ROBO1: variants seen among roughly 807,000 people sequenced by gnomAD.
ROBO1 encodes roundabout homolog 1.
In ROBO1, 149 loss-of-function variants were observed where a neutral mutation model predicts 195.9. The ratio of observed to expected loss-of-function variants is 0.76; its 90% CI spans 0.67 to 0.87. The LOEUF is 0.87. ROBO1 is among the 40% of genes least tolerant of loss of function. The pLI is 0.00. For missense variants in ROBO1, 1,933 were observed against 2,068.3 expected, an observed-to-expected ratio of 0.93 and a Z score of 1.27; for synonymous variants, 816 against 733.2, an observed-to-expected ratio of 1.11 and a Z score of -1.82.
intron 1 of ROBO1, among the ~76,000 whole-genome samples, chr3:79,599,727 C>T (rs1012135896): frequency 1.3e-4 from 20 of 151,958 alleles, no homozygotes; most frequent in East Asian, 1.2e-3. Context: ...GACAGAAAAA[C>T]GGGGATATTA....
intron 2 of ROBO1, among the ~76,000 whole-genome samples, chr3:79,505,994 A>T (rs962053427): frequency 9.2e-5 from 14 of 152,208 alleles, no homozygotes; most frequent in Admixed American, 4.6e-4. Context: ...AACTGAAGTA[A>T]ACCAAAATAC....
chr3:79,422,986 TA>T (rs2038293040), intron 2 of ROBO1, among the ~76,000 whole-genome samples: 1 of 107,346 alleles, frequency 9.3e-6, no homozygotes, highest in South Asian at 2.9e-4. Context: ...TCCACTACTG[TA>T]TAGAAAAAAC....
chr3:79,332,574 G>T (rs9820895), intron 2 of ROBO1, among the ~76,000 whole-genome samples: 8,122 of 152,156 alleles, frequency 0.053, 729 homozygotes, highest in African/African-American at 0.18. Context: ...CTGGCATCTA[G>T]AATCATGGCG....
chr3:79,177,755 A>T (rs2081281317), intron 2 of ROBO1, among the ~76,000 whole-genome samples: 1 of 152,206 alleles, frequency 6.6e-6, no homozygotes. Context: ...TTTTCTAGAA[A>T]GGATTACTGG....
chr3:79,648,558 G>T (rs1288522942), intron 1 of ROBO1, among the ~76,000 whole-genome samples: 1 of 151,886 alleles, frequency 6.6e-6, no homozygotes, highest in East Asian at 1.9e-4. Flanking sequence ...TTCAATAGAC[G>T]TACTTAAAAT....
At chr3:78,937,121 A>T (rs1030156271) in intron 4 of ROBO1, among the ~76,000 whole-genome samples, 7 of 152,084 alleles carry the variant, frequency 4.6e-5, no homozygotes, top group Non-Finnish European at 8.8e-5. Flanking sequence ...TCATATCAGA[A>T]ATTTTTGGCA....
chr3:79,609,261 G>C (rs1448271811), intron 1 of ROBO1, among the ~76,000 whole-genome samples: 3 of 150,778 alleles, frequency 2.0e-5, no homozygotes, highest in African/African-American at 7.3e-5. Flanking sequence ...TGTCTTGCTA[G>C]CAACTTCTAA....
chr3:79,100,018 G>C (rs189371145), intron 3 of ROBO1, among the ~76,000 whole-genome samples: 4 of 151,852 alleles, frequency 2.6e-5, no homozygotes, highest in Non-Finnish European at 4.4e-5. Context: ...GGTTAGCGGG[G>C]AAAGAAATAC....
Position 78,685,745 on chromosome 3 carries a change from C to T in ROBO1, c.1342+1G>A, listed in dbSNP as rs2081036277. 1 of 1,594,906 alleles carries T rather than the reference C, an allele frequency of 6.3e-7. No homozygotes were observed. The highest frequency in any genetic ancestry group is 8.6e-7 in the Non-Finnish European group (1 of 1,166,730). On this transcript the variant is annotated splice_donor_variant, in intron 10 of 30. Transcript: ENST00000464233. LOFTEE classifies it high-confidence loss of function. ...TTGAAATAAAATGTTTTACACTTTA[C>T]CATCTGTAACTTCCAAATATGCCTT... is the stretch of plus-strand genomic sequence containing the variant.
At chr3:79,680,246 A>G (rs1461423535) in intron 1 of ROBO1, among the ~76,000 whole-genome samples, 1 of 151,956 alleles carries the variant, frequency 6.6e-6, no homozygotes, top group African/African-American at 2.4e-5. Flanking sequence ...AAGTTTATAA[A>G]TTCACCCAAC....
chr3:79,020,590 G>T (rs2078079445), intron 3 of ROBO1, among the ~76,000 whole-genome samples: 2 of 152,272 alleles, frequency 1.3e-5, no homozygotes, highest in Admixed American at 6.5e-5. Context: ...TGCTCGGGAG[G>T]CTAAGACAGA....
intron 3 of ROBO1, among the ~76,000 whole-genome samples, chr3:79,035,549 A>G (rs944037864): frequency 6.6e-6 from 1 of 151,852 alleles, no homozygotes; most frequent in African/African-American, 2.4e-5. Context: ...GTGAGACCTC[A>G]TCTCTACAAA....
intron 2 of ROBO1, among the ~76,000 whole-genome samples, chr3:79,418,128 G>A (rs540166982): frequency 8.9e-4 from 136 of 152,212 alleles, no homozygotes; most frequent in African/African-American, 3.0e-3. Context: ...ACTATGAAAT[G>A]TGTTTTCTTG....
intron 5 of ROBO1, among the ~76,000 whole-genome samples, chr3:78,727,044 A>T (rs546536511): frequency 6.6e-6 from 1 of 152,282 alleles, no homozygotes; most frequent in Non-Finnish European, 1.5e-5. Context: ...AGATTAAAAC[A>T]TTCATATTTT....
At chr3:78,956,616 G>C (rs1319843335) in intron 3 of ROBO1, among the ~76,000 whole-genome samples, 2 of 152,152 alleles carry the variant, frequency 1.3e-5, no homozygotes, top group Non-Finnish European at 2.9e-5. Context: ...AATAATAATG[G>C]AAGAAGAAAA....
chr3:79,672,454 T>A (rs1464796456), intron 1 of ROBO1, among the ~76,000 whole-genome samples: 2 of 151,950 alleles, frequency 1.3e-5, no homozygotes, highest in African/African-American at 4.8e-5. Context: ...GCTTAATAAC[T>A]CATCCAATAA....
chr3:78,960,327 C>T lies in ROBO1; in HGVS notation c.173-21400G>A, dbSNP rs11709878. On this transcript the variant is annotated intron_variant, in intron 3 of 30. Transcript: ENST00000464233. ...ATATAGCAATATACTTTTATAATAT[C>T]ATGTTAACATATAGCAATATATATT... Among the ~76,000 whole-genome samples the T allele has an allele frequency of 5.9e-3, 881 of 149,726 alleles. 3 individuals carry two copies. The highest frequency in any genetic ancestry group is 0.01 in the Non-Finnish European group (693 of 67,536).
chr3:79,607,236 A>T (rs573396897), intron 1 of ROBO1, among the ~76,000 whole-genome samples: 1 of 151,530 alleles, frequency 6.6e-6, no homozygotes, highest in African/African-American at 2.4e-5. Context: ...TAAGGTTAAT[A>T]TATTTAAAAT....
chr3:79,284,216 G>A (rs987559512), intron 2 of ROBO1, among the ~76,000 whole-genome samples: 8 of 151,690 alleles, frequency 5.3e-5, no homozygotes, highest in Admixed American at 6.6e-5. Flanking sequence ...ACTGAGGGCC[G>A]GAGAATTGAG....
Sources: gnomAD v4.1 joint callset for allele counts (sites outside exome capture counted in the v4.1 genomes callset) on GRCh38, gnomAD v4.1.1 for gene constraint, MANE v1.5 for transcripts, NCBI Gene and HGNC (gene_info 2026-07-23, HGNC 2026-07-21) for gene names.